The following AKT3 variants were observed in gnomAD, a reference collection of about 807,000 sequenced individuals.
The protein encoded by AKT3 is RAC-gamma serine/threonine-protein kinase.
Under a neutral mutation model 65.3 loss-of-function variants are expected in AKT3, and 15 were observed. That is an observed-to-expected ratio of 0.23 (90% CI 0.15 to 0.35). AKT3 has a LOEUF of 0.35. Among genes scored for constraint, AKT3 ranks in the 10% least tolerant of loss-of-function variants. The pLI is 1.00. For synonymous variants in AKT3, 206 were observed against 183.8 expected (o/e 1.12, Z -0.98); for missense variants, 243 against 576.5 (o/e 0.42, Z 5.92).
chr1:243,653,587 T>G (rs1422568731), intron 4 of AKT3, among the ~76,000 whole-genome samples: 1 of 152,218 alleles, frequency 6.6e-6, no homozygotes, highest in East Asian at 1.9e-4. Context: ...CACTTTTGAG[T>G]GTAGTGTTCT....
intron 8 of AKT3, among the ~76,000 whole-genome samples, chr1:243,577,457 A>G (rs1410001141): frequency 2.6e-5 from 4 of 152,104 alleles, no homozygotes; most frequent in Non-Finnish European, 4.4e-5. Context: ...AGCACTCCCT[A>G]TTTAATAAAT....
chr1:243,625,923 T>C (rs1264968183), intron 6 of AKT3, among the ~76,000 whole-genome samples: 1 of 152,190 alleles, frequency 6.6e-6, no homozygotes, highest in Non-Finnish European at 1.5e-5. Context: ...TAAAAGCCAC[T>C]GTAAAATTTG....
At chr1:243,576,284 G>A (rs1224573926) in intron 8 of AKT3, among the ~76,000 whole-genome samples, 1 of 152,104 alleles carries the variant, frequency 6.6e-6, no homozygotes, top group African/African-American at 2.4e-5. Context: ...ATATCACACT[G>A]AATGGGCAAA....
intron 1 of AKT3, among the ~76,000 whole-genome samples, chr1:243,844,619 C>T (rs1695431386): frequency 6.6e-6 from 1 of 152,166 alleles, no homozygotes; most frequent in Non-Finnish European, 1.5e-5. Context: ...GGACTACAGG[C>T]AGGCATCACC....
In AKT3 at chr1:243,563,750, G is replaced by A. The variant is rs1347029113; in HGVS notation, c.918C>T (p.Phe306=). The A allele has an allele frequency of 1.2e-6, 2 of 1,611,752 alleles. No individual in the cohort carries two copies. The highest frequency in any genetic ancestry group is 2.2e-5 in the South Asian group (2 of 90,488). Residue 306 remains phenylalanine, a synonymous_variant, in exon 10 of 14, where the codon TTC becomes TTT. Transcript: ENST00000673466. ...GTGCCAGATATTCTGGAGTGCCACA[G>A]AATGTCTTCATGGTGGCTGCATCTG... is the stretch of plus-strand genomic sequence containing the variant. ...GITDAATMKT[F]CGTPEYLAPE...
intron 6 of AKT3, among the ~76,000 whole-genome samples, chr1:243,621,759 C>T (rs1678768390): frequency 1.3e-5 from 2 of 152,176 alleles, no homozygotes; most frequent in African/African-American, 2.4e-5. Context: ...AATGGCAATA[C>T]CATGCTTTCA....
intron 2 of AKT3, among the ~76,000 whole-genome samples, chr1:243,808,684 A>C (rs990038920): frequency 2.0e-5 from 3 of 152,300 alleles, no homozygotes; most frequent in African/African-American, 7.2e-5. Context: ...AGAAAACGCC[A>C]CAAAGATACT....
chr1:243,649,378 GTA>G (rs1177166699), intron 4 of AKT3, among the ~76,000 whole-genome samples: 2 of 149,490 alleles, frequency 1.3e-5, no homozygotes, highest in Admixed American at 6.7e-5. Flanking sequence ...GTGTGTGTGT[GTA>G]TATATATATG....
intron 2 of AKT3, among the ~76,000 whole-genome samples, chr1:243,714,269 C>G (rs185242415): frequency 5.2e-4 from 79 of 152,234 alleles, no homozygotes; most frequent in African/African-American, 1.7e-3. Context: ...AAGAGAACTG[C>G]CTAGGTTTAA....
chr1:243,682,865 C>A (rs10803152), intron 3 of AKT3, among the ~76,000 whole-genome samples: 30,062 of 152,048 alleles, frequency 0.2, 3,291 homozygotes, highest in East Asian at 0.32. Context: ...TCCAAAGAAG[C>A]TTTTCTTGAT....
chr1:243,768,721 C>T (rs920659358), intron 2 of AKT3, among the ~76,000 whole-genome samples: 1 of 151,620 alleles, frequency 6.6e-6, no homozygotes, highest in South Asian at 2.1e-4. Flanking sequence ...TGTAATCCCA[C>T]CTACTCAGGA....
At chr1:243,621,415 G>A (rs748759378) in intron 6 of AKT3, among the ~76,000 whole-genome samples, 3 of 152,002 alleles carry the variant, frequency 2.0e-5, no homozygotes, top group South Asian at 2.1e-4. Flanking sequence ...TTGTCTTTCC[G>A]CAGTCTCATT....
At chr1:243,733,273 AAGAT>A (rs1213777095) in intron 2 of AKT3, among the ~76,000 whole-genome samples, 1 of 152,238 alleles carries the variant, frequency 6.6e-6, no homozygotes, top group Non-Finnish European at 1.5e-5. Flanking sequence ...AATGAGACAA[AAGAT>A]AGCTCTCTTT....
At chr1:243,733,596 T>G (rs1316204359) in intron 2 of AKT3, among the ~76,000 whole-genome samples, 1 of 152,130 alleles carries the variant, frequency 6.6e-6, no homozygotes, top group Non-Finnish European at 1.5e-5. Flanking sequence ...CAAATCAAAA[T>G]CTATATACAA....
intron 13 of AKT3, among the ~76,000 whole-genome samples, chr1:243,509,656 G>A (rs571981247): frequency 1.3e-5 from 2 of 152,218 alleles, no homozygotes; most frequent in South Asian, 4.2e-4. Context: ...GGTGCTTGCT[G>A]CGTTGGGCCT....
intron 2 of AKT3, among the ~76,000 whole-genome samples, chr1:243,745,694 G>T (rs186350893): frequency 1.1e-4 from 17 of 152,134 alleles, no homozygotes; most frequent in African/African-American, 3.6e-4. Flanking sequence ...GATTTATTTT[G>T]ATTTTTTTTT....
chr1:243,490,646 TGA>T (rs1219832647), intron 13 of AKT3, among the ~76,000 whole-genome samples: 1 of 152,250 alleles, frequency 6.6e-6, no homozygotes, highest in East Asian at 1.9e-4. Flanking sequence ...CTGGGAGTGC[TGA>T]GTGCAGGCGG....
At chr1:243,690,149 C>G (rs1684593112) in intron 3 of AKT3, among the ~76,000 whole-genome samples, 1 of 151,970 alleles carries the variant, frequency 6.6e-6, no homozygotes, top group Non-Finnish European at 1.5e-5. Context: ...AGGACACAGG[C>G]TGGCACTTCT....
At chr1:243,603,671 G>T (rs1161402037) in intron 8 of AKT3, among the ~76,000 whole-genome samples, 1 of 151,990 alleles carries the variant, frequency 6.6e-6, no homozygotes, top group African/African-American at 2.4e-5. Context: ...CCACTCCTTG[G>T]CTGCCACACT....
Sources: allele counts gnomAD v4.1 joint callset (sites outside exome capture counted in the v4.1 genomes callset), GRCh38; gene constraint gnomAD v4.1.1; transcripts MANE v1.5; gene names NCBI Gene and HGNC (gene_info 2026-07-23, HGNC 2026-07-21).